Variants in PRKX observed in about 807,000 individuals in gnomAD.
PRKX encodes cAMP-dependent protein kinase catalytic subunit PRKX.
In PRKX, 12 loss-of-function variants were observed where a neutral mutation model predicts 22.0. The ratio of observed to expected loss-of-function variants is 0.54; its 90% CI spans 0.35 to 0.88. The LOEUF is 0.88. Ranked by LOEUF, PRKX falls within the 40% of genes least tolerant of loss-of-function variation. The pLI is 0.01. For synonymous variants in PRKX, 134 were observed against 137.7 expected (o/e 0.97, Z 0.19); for missense variants, 217 against 308.0 (o/e 0.70, Z 2.21).
intron 3 of PRKX, among the ~76,000 whole-genome samples, chrX:3,650,879 T>TA (rs57311083): frequency 0.02 from 1,659 of 81,943 alleles, 34 homozygotes; most frequent in African/African-American, 0.032. Flanking sequence ...ACCCTGTCTT[T>TA]AAAAAAAAAA....
At chrX:3,662,677 A>T (rs1434849840) in intron 2 of PRKX, among the ~76,000 whole-genome samples, 1 of 88,123 alleles carries the variant, frequency 1.1e-5, no homozygotes, top group East Asian at 3.6e-4. Context: ...CCTGGGGGAC[A>T]GAGTGAGACT....
chrX:3,627,337 G>A (rs6641807), intron 4 of PRKX, among the ~76,000 whole-genome samples: 31,739 of 102,115 alleles, frequency 0.31, 4,162 homozygotes, highest in African/African-American at 0.39. Context: ...AGCCGAGATC[G>A]TGCCATTGCA....
chrX:3,650,879 TAAAAAAAA>T (rs57311083), intron 3 of PRKX, among the ~76,000 whole-genome samples: 4 of 82,007 alleles, frequency 4.9e-5, no homozygotes, highest in African/African-American at 1.6e-4. Flanking sequence ...ACCCTGTCTT[TAAAAAAAA>T]AAAAAAAAAA....
At chrX:3,689,664 A>T (rs190823910) in intron 1 of PRKX, among the ~76,000 whole-genome samples, 60 of 112,055 alleles carry the variant, frequency 5.4e-4, no homozygotes, top group Non-Finnish European at 8.3e-4. Flanking sequence ...TGGGTGAGAG[A>T]GCAAGACTCT....
chrX:3,686,708 C>T (rs1295276029), intron 1 of PRKX, among the ~76,000 whole-genome samples: 1 of 110,122 alleles, frequency 9.1e-6, no homozygotes, highest in Non-Finnish European at 1.9e-5. Context: ...CAGGTGCCTG[C>T]CACTACGCCC....
chrX:3,684,874 T>C (rs757384696), intron 1 of PRKX, among the ~76,000 whole-genome samples: 17 of 112,100 alleles, frequency 1.5e-4, no homozygotes, highest in African/African-American at 3.2e-4. Context: ...TGGAGTGTAG[T>C]GGCACGATCA....
At chrX:3,707,331 C>T (rs6567591) in intron 1 of PRKX, among the ~76,000 whole-genome samples, 58,633 of 110,345 alleles carry the variant, frequency 0.53, 13,538 homozygotes, top group African/African-American at 0.9. Flanking sequence ...GCCTGCGACT[C>T]TCCCAGCTAG....
intron 1 of PRKX, among the ~76,000 whole-genome samples, chrX:3,710,069 C>T (rs1376410702): frequency 9.1e-6 from 1 of 109,690 alleles, no homozygotes; most frequent in Non-Finnish European, 1.9e-5. Flanking sequence ...ACTACAGGCA[C>T]GCACCACTGT....
At chrX:3,617,865 A>G (rs1274879717) in intron 6 of PRKX, among the ~76,000 whole-genome samples, 2 of 109,823 alleles carry the variant, frequency 1.8e-5, no homozygotes, top group Admixed American at 2.0e-4. Context: ...AGTCTAACAC[A>G]TACGTTACCT....
chrX:3,606,159 A>C lies in PRKX; in HGVS notation c.*2810T>G, dbSNP rs1926166992. ...GCCAACTCGTAAAATTACATGAAGC[A>C]AAGTAAATTTGTAATGTTTTTCTGA... On this transcript the variant is annotated 3_prime_UTR_variant, in exon 9 of 9. Transcript: ENST00000262848. 2 of 112,412 alleles carry C rather than the reference A, an allele frequency of 1.8e-5. No individual in the cohort carries two copies. The highest frequency in any genetic ancestry group is 7.3e-4 in the South Asian group (2 of 2,743). The allele number at this position is 112,412 out of a possible 1,213,427, so 9.3% of individuals were successfully genotyped here.
intron 3 of PRKX, among the ~76,000 whole-genome samples, chrX:3,654,457 G>GTTTT (rs746800596): frequency 3.9e-4 from 17 of 43,321 alleles, no homozygotes; most frequent in African/African-American, 8.0e-4. Context: ...ATTCAATTTG[G>GTTTT]TTTTTTTTTT....
In PRKX at chrX:3,675,841, G is replaced by A. The variant is rs535615943; in HGVS notation, c.167-1075C>T. Among the ~76,000 whole-genome samples, 6 of 111,268 alleles carry A rather than the reference G, an allele frequency of 5.4e-5. No homozygotes were observed. In the South Asian group the frequency reaches 1.1e-3, roughly 21 times the overall value. On this transcript the variant is annotated intron_variant, in intron 1 of 8. Transcript: ENST00000262848. ...TTAATGGAACGAATAGTGCAGTGGC[G>A]CCATCACAGCTCACTGTAGCCTCTA...
At chrX:3,698,400 C>G (rs1048402998) in intron 1 of PRKX, among the ~76,000 whole-genome samples, 1 of 110,987 alleles carries the variant, frequency 9.0e-6, no homozygotes, top group African/African-American at 3.3e-5. Context: ...TGGTCTCGAA[C>G]TCCTGGGCCT....
chrX:3,639,786 G>C (rs1380342053), intron 4 of PRKX, among the ~76,000 whole-genome samples: 2 of 111,034 alleles, frequency 1.8e-5, no homozygotes. Context: ...CCCTAAGCTA[G>C]TGTGGGAATT....
intron 1 of PRKX, among the ~76,000 whole-genome samples, chrX:3,703,346 A>C (rs1221802955): frequency 8.9e-6 from 1 of 112,017 alleles, no homozygotes; most frequent in Middle Eastern, 4.2e-3. Flanking sequence ...ATCATCTGAC[A>C]GAAGACATGA....
chrX:3,671,949 C>G (rs186455034), intron 2 of PRKX, among the ~76,000 whole-genome samples: 23 of 111,474 alleles, frequency 2.1e-4, no homozygotes, highest in African/African-American at 7.2e-4. Context: ...ATAGCAAGAC[C>G]CTGTTCATAG....
chrX:3,628,615 G>T (rs1926708183), intron 4 of PRKX, among the ~76,000 whole-genome samples: 1 of 111,482 alleles, frequency 9.0e-6, no homozygotes, highest in Non-Finnish European at 1.9e-5. Flanking sequence ...GCATATGTGT[G>T]GTCCCAGCTA....
At chrX:3,644,039 C>A in intron 3 of PRKX, among the ~76,000 whole-genome samples, 1 of 109,756 alleles carries the variant, frequency 9.1e-6, no homozygotes. Flanking sequence ...AATCTGTAAG[C>A]CCTTGGGATA....
At chrX:3,678,993 G>T (rs1268457375) in intron 1 of PRKX, among the ~76,000 whole-genome samples, 1 of 111,693 alleles carries the variant, frequency 9.0e-6, no homozygotes, top group Non-Finnish European at 1.9e-5. Context: ...CCACCCTAGA[G>T]ATCCCCTCCA....
Sources: allele counts gnomAD v4.1 joint callset (sites outside exome capture counted in the v4.1 genomes callset), GRCh38; gene constraint gnomAD v4.1.1; transcripts MANE v1.5; gene names NCBI Gene and HGNC (gene_info 2026-07-23, HGNC 2026-07-21).